Variants in ENOX1 observed in about 807,000 individuals in gnomAD.
ENOX1 encodes candidate growth-related and time keeping constitutive hydroquinone (NADH) oxidase.
ENOX1 carries 42 observed loss-of-function variants against 82.5 expected under a neutral mutation model. The observed-to-expected ratio is 0.51, with a 90% CI of 0.40 to 0.66. The LOEUF (loss-of-function observed/expected upper bound fraction) is 0.66. Ranked by LOEUF, ENOX1 falls within the 30% of genes least tolerant of loss-of-function variation. ENOX1 has a pLI of 0.00. For missense variants in ENOX1, 608 were observed against 811.6 expected (o/e 0.75, Z 3.05); for synonymous variants, 271 against 282.2 (o/e 0.96, Z 0.40).
intron 10 of ENOX1, among the ~76,000 whole-genome samples, chr13:43,325,949 G>C (rs2048087461): frequency 6.6e-6 from 1 of 152,132 alleles, no homozygotes; most frequent in Non-Finnish European, 1.5e-5. Flanking sequence ...GATCTGGAGA[G>C]AAGTGTAATA....
chr13:43,323,183 A>G (rs190849233), intron 10 of ENOX1, among the ~76,000 whole-genome samples: 2 of 152,334 alleles, frequency 1.3e-5, no homozygotes, highest in Non-Finnish European at 1.5e-5. Context: ...CAGATATCCA[A>G]AATTCAAAAT....
At chr13:43,459,799 C>T (rs919097124) in intron 3 of ENOX1, among the ~76,000 whole-genome samples, 1 of 152,184 alleles carries the variant, frequency 6.6e-6, no homozygotes, top group Non-Finnish European at 1.5e-5. Flanking sequence ...TGAGGCCAGC[C>T]TGACCAACAT....
intron 1 of ENOX1, among the ~76,000 whole-genome samples, chr13:43,702,246 G>A (rs559447029): frequency 6.6e-6 from 1 of 152,272 alleles, no homozygotes; most frequent in Admixed American, 6.5e-5. Flanking sequence ...ACTGAATGCA[G>A]AAATATCTTG....
chr13:43,382,515 C>T (rs1269987098), intron 5 of ENOX1, among the ~76,000 whole-genome samples: 1 of 152,094 alleles, frequency 6.6e-6, no homozygotes, highest in East Asian at 1.9e-4. Context: ...TGAAAGAAAC[C>T]AGAAACTGAG....
In ENOX1 at chr13:43,298,396, T is replaced by C. The variant is rs1222232361; in HGVS notation, c.1396A>G (p.Lys466Glu). Residue 466 changes from lysine to glutamate, a missense_variant, in exon 12 of 17, where the codon AAG becomes GAG. Transcript: ENST00000690772. ...QLFRTEENLT[K>E]DQQLQFLQQT... ...TGCAGAAACTGCAGTTGCTGGTCCTTGGTGAGGTTTTCTTCTGTTCGGAAA... is the reference window on the plus strand; with the variant it reads ...TGCAGAAACTGCAGTTGCTGGTCCTCGGTGAGGTTTTCTTCTGTTCGGAAA... 2 of 1,613,918 alleles carry C rather than the reference T, an allele frequency of 1.2e-6. No homozygotes were observed. Among genetic ancestry groups the C allele is most frequent in the Admixed American group, 3.3e-5 (2 of 59,994 alleles).
chr13:43,744,912 C>A (rs1175529496), intron 1 of ENOX1, among the ~76,000 whole-genome samples: 1 of 152,158 alleles, frequency 6.6e-6, no homozygotes, highest in Non-Finnish European at 1.5e-5. Flanking sequence ...TGCATCTTAG[C>A]ATTACGGATT....
rs1241348939 is a variant in ENOX1 at position 43,786,014 on chromosome 13, G to T, written c.-285+638C>A. Among the ~76,000 whole-genome samples the T allele has an allele frequency of 6.6e-6, 1 of 152,124 alleles. No individual in the cohort carries two copies. The highest frequency in any genetic ancestry group is 1.5e-5 in the Non-Finnish European group (1 of 68,018). ...TGCCCCAGTGCCTCCTTTACCTCGC[G>T]TTGGGCCAGGCAGGGCGCGCTCCCG... On this transcript the variant is annotated intron_variant, in intron 1 of 16. Coordinates refer to ENST00000690772, the MANE Select transcript of ENOX1 (RefSeq NM_001347969.2). The surrounding 1 kb of genome is among the most constrained non-coding windows in gnomAD (Gnocchi z 6.0).
intron 3 of ENOX1, among the ~76,000 whole-genome samples, chr13:43,437,488 T>C (rs779035628): frequency 1.3e-5 from 2 of 152,190 alleles, no homozygotes; most frequent in African/African-American, 4.8e-5. Flanking sequence ...AGTGCAACTA[T>C]GGAAATGACC....
At chr13:43,256,884 C>G (rs2043780463) in intron 14 of ENOX1, among the ~76,000 whole-genome samples, 1 of 151,850 alleles carries the variant, frequency 6.6e-6, no homozygotes, top group African/African-American at 2.4e-5. Context: ...TCACAATAGT[C>G]AAAATAAAGA....
At chr13:43,433,399 A>T (rs780904244) in intron 3 of ENOX1, among the ~76,000 whole-genome samples, 14 of 152,046 alleles carry the variant, frequency 9.2e-5, no homozygotes, top group Non-Finnish European at 1.8e-4. Flanking sequence ...CTCCTATTAG[A>T]CCCACCTCCC....
intron 2 of ENOX1, among the ~76,000 whole-genome samples, chr13:43,588,069 G>A (rs751028621): frequency 7.2e-5 from 11 of 152,116 alleles, no homozygotes; most frequent in Non-Finnish European, 1.5e-4. Context: ...GAAGTGAAAC[G>A]GGATAAGCTT....
At chr13:43,657,346 G>A (rs1437482656) in intron 2 of ENOX1, among the ~76,000 whole-genome samples, 1 of 152,182 alleles carries the variant, frequency 6.6e-6, no homozygotes, top group African/African-American at 2.4e-5. Flanking sequence ...ATCAGTAGGT[G>A]TTGGCTCACT....
At chr13:43,391,315 G>A (rs2052759843) in intron 5 of ENOX1, among the ~76,000 whole-genome samples, 1 of 152,106 alleles carries the variant, frequency 6.6e-6, no homozygotes, top group East Asian at 1.9e-4. Flanking sequence ...AGTTTTCAAA[G>A]CCTACTGCTG....
At chr13:43,497,171 A>G (rs558404924) in intron 2 of ENOX1, among the ~76,000 whole-genome samples, 2 of 152,266 alleles carry the variant, frequency 1.3e-5, no homozygotes, top group East Asian at 3.9e-4. Flanking sequence ...TAGACTCCAT[A>G]GGATTTTCTA....
intron 2 of ENOX1, among the ~76,000 whole-genome samples, chr13:43,595,134 G>A (rs961234502): frequency 1.3e-5 from 2 of 148,786 alleles, no homozygotes; most frequent in African/African-American, 5.0e-5. Flanking sequence ...GAGGGAAAGC[G>A]GCATACCTAG....
chr13:43,673,856 A>G (rs117040430), intron 1 of ENOX1, among the ~76,000 whole-genome samples: 58 of 152,306 alleles, frequency 3.8e-4, no homozygotes, highest in Non-Finnish European at 6.8e-4. Flanking sequence ...TGACTCAAAA[A>G]ATGTTAAATC....
intron 3 of ENOX1, among the ~76,000 whole-genome samples, chr13:43,472,650 GC>G (rs2153649067): frequency 6.6e-6 from 1 of 152,266 alleles, no homozygotes; most frequent in South Asian, 2.1e-4. Context: ...CTGGTATTTA[GC>G]CCACTGAGGT....
At chr13:43,570,756 A>G (rs2080142069) in intron 2 of ENOX1, among the ~76,000 whole-genome samples, 2 of 152,136 alleles carry the variant, frequency 1.3e-5, no homozygotes, top group African/African-American at 4.8e-5. Context: ...CTCAGTGGCC[A>G]TCTGGGTGAG....
intron 5 of ENOX1, among the ~76,000 whole-genome samples, chr13:43,374,075 C>T (rs1448662284): frequency 4.0e-5 from 6 of 150,246 alleles, no homozygotes; most frequent in African/African-American, 1.5e-4. Context: ...CCTTCCCCTC[C>T]CTTGCCTTCC....
Sources: allele counts gnomAD v4.1 joint callset (sites outside exome capture counted in the v4.1 genomes callset), GRCh38; gene constraint gnomAD v4.1.1; non-coding constraint Gnocchi (gnomAD v3.1); transcripts MANE v1.5; gene names NCBI Gene and HGNC (gene_info 2026-07-23, HGNC 2026-07-21).